ZYG11A: variants seen among roughly 807,000 people sequenced by gnomAD.
ZYG11A encodes the protein protein zyg-11 homolog A.
Under a neutral mutation model 77.2 loss-of-function variants are expected in ZYG11A, and 62 were observed. The observed-to-expected ratio is 0.80, with a 90% CI of 0.65 to 0.99. The LOEUF is 0.99. Ranked by LOEUF, ZYG11A falls within the 50% of genes least tolerant of loss-of-function variation. The pLI, the probability that ZYG11A is intolerant of heterozygous loss-of-function variation, is 0.00. For synonymous variants in ZYG11A, 315 were observed against 324.6 expected, an observed-to-expected ratio of 0.97 and a Z score of 0.32; for missense variants, 828 against 896.8, an observed-to-expected ratio of 0.92 and a Z score of 0.98.
Position 52,854,465 on chromosome 1 carries a change from G to A in ZYG11A, c.91G>A (p.Glu31Lys). 2 of 1,529,796 alleles carry A rather than the reference G, an allele frequency of 1.3e-6. No individual in the cohort carries two copies. The highest frequency in any genetic ancestry group is 1.8e-6 in the Non-Finnish European group (2 of 1,132,994). 94.8% of individuals were successfully genotyped at this position (1,529,796 alleles called of 1,614,324 possible). Residue 31 changes from glutamate to lysine, a missense_variant and splice_region_variant, in exon 2 of 14, where the codon GAA becomes AAA. Physicochemically the swap from Glu to Lys is moderately conservative, Grantham distance 56. Transcript: ENST00000371528. ...GTTTGTTTGGGGTTTTGTTTGCTAG[G>A]AAGAGGCATCTCCCTACACTTTGGT... ...KDALGCCVVQ[E>K]EASPYTLVNI...
chr1:52,887,659 A>G (rs1182216348), intron 13 of ZYG11A, among the ~76,000 whole-genome samples: 1 of 151,872 alleles, frequency 6.6e-6, no homozygotes, highest in African/African-American at 2.4e-5. Flanking sequence ...GAGGCAGGAG[A>G]TCGCTTGAGG....
chr1:52,863,752 G>A (rs140332600), intron 4 of ZYG11A, among the ~76,000 whole-genome samples: 43 of 152,242 alleles, frequency 2.8e-4, no homozygotes, highest in Non-Finnish European at 3.2e-4. Flanking sequence ...AAGAAATAGA[G>A]GTCTAGAGAA....
chr1:52,886,939 A>T lies in ZYG11A; in HGVS notation c.2007-17A>T. 7.2e-7 allele frequency: 1 copy of T among 1,396,086 alleles called. No individual in the cohort carries two copies. Among genetic ancestry groups the T allele is most frequent in the Non-Finnish European group, 9.9e-7 (1 of 1,007,136 alleles). 86.5% of individuals were successfully genotyped at this position (1,396,086 alleles called of 1,614,324 possible). Reference sequence around the variant, plus strand: ...AACTGTTCTGGATTAACATCTTTGTACTTTTTTTTGTTTTAGATCTTTCAA... The same window carrying T: ...AACTGTTCTGGATTAACATCTTTGTTCTTTTTTTTGTTTTAGATCTTTCAA... On this transcript the variant is annotated splice_polypyrimidine_tract_variant and intron_variant, in intron 12 of 13. Coordinates refer to ENST00000371528, the MANE Select transcript of ZYG11A (RefSeq NM_001004339.3).
intron 8 of ZYG11A, 33 bp from the exon 9 acceptor site, chr1:52,877,649 A>G: frequency 6.5e-7 from 1 of 1,527,108 alleles, no homozygotes; most frequent in Non-Finnish European, 8.8e-7. Context: ...TCATTAGAGC[A>G]TCTAACTCCC....
rs1426074795 is a variant in ZYG11A at position 52,894,894 on chromosome 1, G to A, written c.*1937G>A. On this transcript the variant is annotated 3_prime_UTR_variant, in exon 14 of 14. Coordinates refer to ENST00000371528, the MANE Select transcript of ZYG11A (RefSeq NM_001004339.3). ...GAGGATGTGTTAGGGGAACTAGTGT[G>A]TTAAGTCCAATTCTGTACAAGACAT... is the stretch of plus-strand genomic sequence containing the variant. The A allele has an allele frequency of 6.6e-6, 1 of 152,208 alleles. No homozygotes were observed. The highest frequency in any genetic ancestry group is 1.5e-5 in the Non-Finnish European group (1 of 68,034). The allele number at this position is 152,208 out of a possible 1,614,324, so 9.4% of individuals were successfully genotyped here.
At chr1:52,845,154 G>A (rs551577966) in intron 1 of ZYG11A, among the ~76,000 whole-genome samples, 1 of 151,942 alleles carries the variant, frequency 6.6e-6, no homozygotes, top group African/African-American at 2.4e-5. Flanking sequence ...TGTCCATCTT[G>A]ATCTCTAGCA....
intron 3 of ZYG11A, among the ~76,000 whole-genome samples, chr1:52,860,149 G>T (rs181083916): frequency 6.6e-6 from 1 of 152,160 alleles, no homozygotes; most frequent in Admixed American, 6.5e-5. Flanking sequence ...TGGTATTTTA[G>T]TTGGGATTGC....
chr1:52,889,097 C>T (rs1467868126), intron 13 of ZYG11A, among the ~76,000 whole-genome samples: 1 of 152,068 alleles, frequency 6.6e-6, no homozygotes, highest in East Asian at 1.9e-4. Context: ...GAAGGGTAAG[C>T]ATCTTATTTT....
intron 8 of ZYG11A, among the ~76,000 whole-genome samples, chr1:52,876,447 T>G (rs929924076): frequency 1.3e-5 from 2 of 152,192 alleles, no homozygotes; most frequent in Non-Finnish European, 2.9e-5. Context: ...CCAGGCACTC[T>G]TACGACAACA....
chr1:52,871,415 C>T (rs1405843657), intron 8 of ZYG11A, among the ~76,000 whole-genome samples: 1 of 151,906 alleles, frequency 6.6e-6, no homozygotes, highest in East Asian at 1.9e-4. Context: ...CTACCTTTAT[C>T]ATATTAAATT....
chr1:52,894,522 A>T lies in ZYG11A; in HGVS notation c.*1565A>T, dbSNP rs11804575. The T allele has an allele frequency of 1.3e-5, 2 of 152,174 alleles. No individual in the cohort carries two copies. Among genetic ancestry groups the T allele is most frequent in the African/African-American group, 4.8e-5 (2 of 41,450 alleles). The allele number at this position is 152,174 out of a possible 1,614,324, so 9.4% of individuals were successfully genotyped here. A position where few individuals can be genotyped will look rare whatever the true frequency, so the allele number is the denominator to read the frequency against. ...TGACTGTTAATGAACATGTTTTGTC[A>T]TTTATCTGTTTAAGTTTTTCAGAAA... On this transcript the variant is annotated 3_prime_UTR_variant, in exon 14 of 14. Coordinates refer to ENST00000371528, the MANE Select transcript of ZYG11A (RefSeq NM_001004339.3).
chr1:52,882,223 C>G (rs1371500241), intron 11 of ZYG11A, among the ~76,000 whole-genome samples: 2 of 152,196 alleles, frequency 1.3e-5, no homozygotes, highest in Non-Finnish European at 2.9e-5. Flanking sequence ...ACATATTATG[C>G]TGCTGTTCTT....
At chr1:52,860,308 A>G (rs1201566247) in intron 3 of ZYG11A, among the ~76,000 whole-genome samples, 1 of 152,074 alleles carries the variant, frequency 6.6e-6, no homozygotes, top group Non-Finnish European at 1.5e-5. Flanking sequence ...TCAGACTCCC[A>G]AAGTGTTGGG....
intron 13 of ZYG11A, among the ~76,000 whole-genome samples, chr1:52,887,576 G>A (rs1646473594): frequency 6.6e-6 from 1 of 151,940 alleles, no homozygotes; most frequent in South Asian, 2.1e-4. Flanking sequence ...TGCATGTTTT[G>A]CAATTTAAAA....
At chr1:52,871,561 A>C (rs1041325282) in intron 8 of ZYG11A, among the ~76,000 whole-genome samples, 3 of 150,300 alleles carry the variant, frequency 2.0e-5, no homozygotes, top group Non-Finnish European at 4.4e-5. Flanking sequence ...CACTGGCGCC[A>C]TCTCGGCTCA....
At chr1:52,868,776 AT>A (rs1646079359) in intron 8 of ZYG11A, among the ~76,000 whole-genome samples, 1 of 152,166 alleles carries the variant, frequency 6.6e-6, no homozygotes, top group South Asian at 2.1e-4. Flanking sequence ...ACAGAGTAAA[AT>A]TGTGTCTCAA....
At chr1:52,873,927 T>C (rs913602498) in intron 8 of ZYG11A, among the ~76,000 whole-genome samples, 1 of 151,312 alleles carries the variant, frequency 6.6e-6, no homozygotes, top group Admixed American at 6.6e-5. Flanking sequence ...GAGGTTGCAA[T>C]GAGCCGAGAT....
At chr1:52,846,310 T>TTTATTTATATATATA (rs1645577922) in intron 1 of ZYG11A, among the ~76,000 whole-genome samples, 1 of 35,822 alleles carries the variant, frequency 2.8e-5, no homozygotes, top group African/African-American at 8.7e-5. Context: ...TTTTAAATTT[T>TTTATTTATATATATA]TATATATATA....
intron 1 of ZYG11A, among the ~76,000 whole-genome samples, chr1:52,846,926 C>A (rs2149983355): frequency 6.7e-6 from 1 of 150,022 alleles, no homozygotes; most frequent in East Asian, 2.0e-4. Flanking sequence ...CAGCTCACTG[C>A]AAGCTCCGCC....
Sources: allele counts gnomAD v4.1 joint callset (sites outside exome capture counted in the v4.1 genomes callset), GRCh38; gene constraint gnomAD v4.1.1; transcripts MANE v1.5; gene names NCBI Gene and HGNC (gene_info 2026-07-23, HGNC 2026-07-21).